Variants in CREB3L3 observed in about 807,000 individuals in gnomAD.
CREB3L3 encodes the protein cAMP responsive element binding protein 3 like 3.
A neutral mutation model predicts 44.6 loss-of-function variants in CREB3L3; 40 were observed. That is an observed-to-expected ratio of 0.90 (90% confidence interval 0.70 to 1.17). The LOEUF is 1.17. Among genes scored for constraint, CREB3L3 ranks in the 50% most tolerant of loss-of-function variants. CREB3L3 has a pLI of 0.00. For synonymous variants in CREB3L3, 273 were observed against 256.3 expected (o/e 1.06, Z -0.62); for missense variants, 578 against 595.8 (o/e 0.97, Z 0.31).
rs34277649 is a variant in CREB3L3 at position 4,155,751 on chromosome 19, C to CTT, written c.156+736_156+737dup. ...CCTTTCTCCCTCTTTCTTTTACTCT[C>CTT]TTTTTTTTTTTTTGAGATAGAGTTT... On this transcript the variant is annotated intron_variant, in intron 2 of 9. Coordinates refer to ENST00000078445, the MANE Select transcript of CREB3L3 (RefSeq NM_032607.3). 1.9e-3 allele frequency among the ~76,000 whole-genome samples: 265 copies of CTT among 136,120 alleles called. 5 individuals are homozygous for CTT. The highest frequency in any genetic ancestry group is 2.4e-3 in the Non-Finnish European group (156 of 64,670). 89.3% of individuals were successfully genotyped at this position (136,120 alleles called of 152,430 possible). A position where few individuals can be genotyped will look rare whatever the true frequency, so the allele number is the denominator to read the frequency against.
rs1020370762 is a variant in CREB3L3, at chr19:4,164,490, A to G, written c.577-13A>G. Reference sequence around the variant, plus strand: ...CCCTGCACCCGCCGTCATTCCTCTGATTTTTTCCGTAGCAACAGCATCACC... The same window carrying G: ...CCCTGCACCCGCCGTCATTCCTCTGGTTTTTTCCGTAGCAACAGCATCACC... On this transcript the variant is annotated splice_polypyrimidine_tract_variant and intron_variant, in intron 4 of 9. Transcript: ENST00000078445. 1 of 1,613,538 alleles carries G rather than the reference A, an allele frequency of 6.2e-7. No individual in the cohort carries two copies. The highest frequency in any genetic ancestry group is 8.5e-7 in the Non-Finnish European group (1 of 1,179,908).
rs887902430 is a variant in CREB3L3 at position 4,157,305 on chromosome 19, G to T, written c.457+10G>T. ...GTGACCATAGACCTGGGTGAGTCCT[G>T]CTGTGTCTCTGCCCACCGCCCTCAC... On this transcript the variant is annotated intron_variant, in intron 3 of 9. Transcript: ENST00000078445. The T allele has an allele frequency of 6.2e-7, 1 of 1,613,994 alleles. No individual in the cohort carries two copies. Among genetic ancestry groups the T allele is most frequent in the African/African-American group, 1.3e-5 (1 of 75,054 alleles).
intron 6 of CREB3L3, among the ~76,000 whole-genome samples, chr19:4,169,657 T>C (rs1371665895): frequency 6.8e-6 from 1 of 146,742 alleles, no homozygotes; most frequent in African/African-American, 2.6e-5. Flanking sequence ...AATGGTGCGA[T>C]CTTGACTCAC....
At chr19:4,155,107 G>A in intron 2 of CREB3L3, 80 bp downstream of exon 2, 10 of 1,558,948 alleles carry the variant, frequency 6.4e-6, no homozygotes, top group Non-Finnish European at 8.7e-6. Flanking sequence ...TGCTAGACCC[G>A]CCAGAGCCCA....
Position 4,171,076 on chromosome 19 carries a change from G to A in CREB3L3, c.891-15G>A, listed in dbSNP as rs1431999207. 6.2e-7 allele frequency: 1 copy of A among 1,610,178 alleles called. No individual in the cohort carries two copies. The highest frequency in any genetic ancestry group is 8.5e-7 in the Non-Finnish European group (1 of 1,176,516). On this transcript the variant is annotated splice_polypyrimidine_tract_variant and intron_variant, in intron 7 of 9. Coordinates refer to ENST00000078445, the MANE Select transcript of CREB3L3 (RefSeq NM_032607.3). This position sits in a 1 kb window ranked among gnomAD's most constrained non-coding sequence, Gnocchi z 4.9. ...GCCCTTTAGGGCTCAGCGGAGGCCTGCCTGTCTCTCTAAGGTCCCTCTTGG... is the reference window on the plus strand; with the variant it reads ...GCCCTTTAGGGCTCAGCGGAGGCCTACCTGTCTCTCTAAGGTCCCTCTTGG...
In CREB3L3 at chr19:4,172,119, C is replaced by G. The variant is rs957238484; in HGVS notation, c.*150C>G. On this transcript the variant is annotated 3_prime_UTR_variant, in exon 10 of 10. Coordinates refer to ENST00000078445, the MANE Select transcript of CREB3L3 (RefSeq NM_032607.3). ...GGAGGCACAGCTCATAGCCACACAC[C>G]CAGGGCCTGACTGAGGCCCACGCAG... The G allele has an allele frequency of 1.0e-5, 9 of 868,466 alleles. No homozygotes were observed. Among genetic ancestry groups the G allele is most frequent in the African/African-American group, 1.7e-5 (1 of 58,910 alleles). 53.8% of individuals were successfully genotyped at this position (868,466 alleles called of 1,614,324 possible).
At position 4,160,410 on chromosome 19, in the gene CREB3L3, C is replaced by T. The variant is rs141591187; in HGVS notation, c.576+628C>T. 3.6e-3 allele frequency among the ~76,000 whole-genome samples: 549 copies of T among 152,022 alleles called. 3 individuals are homozygous for T. Among genetic ancestry groups the T allele is most frequent in the African/African-American group, 0.013 (524 of 41,490 alleles). On this transcript the variant is annotated intron_variant, in intron 4 of 9. Transcript: ENST00000078445. The stretch of plus-strand genomic sequence containing the variant: ...TTTTTGAGACAGGATCTCACTCTAT[C>T]GCCCAGGCTGGAGTGCAGTGGCGCA...
At chr19:4,169,847 C>G (rs1967004651) in intron 6 of CREB3L3, among the ~76,000 whole-genome samples, 1 of 152,106 alleles carries the variant, frequency 6.6e-6, no homozygotes, top group South Asian at 2.1e-4. Flanking sequence ...GATCCGCCCA[C>G]CACGGCCTCC....
At position 4,163,559 on chromosome 19, in the gene CREB3L3, T is replaced by A. The variant is rs190040906; in HGVS notation, c.577-944T>A. 1.1e-4 allele frequency among the ~76,000 whole-genome samples: 17 copies of A among 152,146 alleles called. No homozygotes were observed. In the East Asian group the frequency reaches 3.3e-3, roughly 29 times the overall value. ...TGTTGTTGCTGTTTTGAGACAGAAT[T>A]TCTGTCGCCCAGGCTGGATCTCAGA... On this transcript the variant is annotated intron_variant, in intron 4 of 9. Coordinates refer to ENST00000078445, the MANE Select transcript of CREB3L3 (RefSeq NM_032607.3).
In CREB3L3 at chr19:4,154,935, A is replaced by C. The variant is rs1038365302; in HGVS notation, c.64A>C (p.Ser22Arg). Reference sequence around the variant, plus strand: ...TGCCTGCTCCATGGACCCCATCGACAGCTTTGAGCTCCTGGATCTCCTGTT... The same window carrying C: ...TGCCTGCTCCATGGACCCCATCGACCGCTTTGAGCTCCTGGATCTCCTGTT... ...SAACSMDPID[S>R]FELLDLLFDR... The change falls in exon 2 of 10, where the codon AGC (serine) becomes CGC (arginine). Residue 22 changes from serine (S) to arginine (R), a missense_variant. Ser to Arg is a moderately radical substitution (Grantham distance 110). Coordinates refer to ENST00000078445, the MANE Select transcript of CREB3L3 (RefSeq NM_032607.3). 1.9e-6 allele frequency: 3 copies of C among 1,613,708 alleles called. No individual in the cohort carries two copies. Among genetic ancestry groups the C allele is most frequent in the Non-Finnish European group, 2.5e-6 (3 of 1,180,026 alleles).
In CREB3L3 at chr19:4,172,238, G is replaced by T; in HGVS notation, c.*269G>T. On this transcript the variant is annotated 3_prime_UTR_variant, in exon 10 of 10. Coordinates refer to ENST00000078445, the MANE Select transcript of CREB3L3 (RefSeq NM_032607.3). Reference sequence around the variant, plus strand: ...GAAGCAAAGAGCAGACACACATACAGCCTGAAACAGACCTGGACAGACAGA... The same window carrying T: ...GAAGCAAAGAGCAGACACACATACATCCTGAAACAGACCTGGACAGACAGA... 1 of 577,892 alleles carries T rather than the reference G, an allele frequency of 1.7e-6. No individual in the cohort carries two copies. The highest frequency in any genetic ancestry group is 2.9e-5 in the East Asian group (1 of 34,644). The allele number at this position is 577,892 out of a possible 1,614,324, so 35.8% of individuals were successfully genotyped here.
chr19:4,165,949 A>T (rs1490910366), intron 5 of CREB3L3, among the ~76,000 whole-genome samples: 2 of 152,146 alleles, frequency 1.3e-5, no homozygotes, highest in Non-Finnish European at 2.9e-5. Context: ...AATTACTTGA[A>T]TGTCCTCTGT....
At chr19:4,167,640 G>A (rs999126482) in intron 5 of CREB3L3, among the ~76,000 whole-genome samples, 8 of 152,108 alleles carry the variant, frequency 5.3e-5, no homozygotes, top group Non-Finnish European at 1.0e-4. Context: ...ACTTGCTGTC[G>A]CCAGGGAAAG....
At chr19:4,170,762 T>A (rs1967026437) in intron 7 of CREB3L3, among the ~76,000 whole-genome samples, 1 of 150,648 alleles carries the variant, frequency 6.6e-6, no homozygotes, top group African/African-American at 2.4e-5. Flanking sequence ...ACAAAAAAAA[T>A]TAGCTGGGTG....
chr19:4,164,395 A>G, intron 4 of CREB3L3, 108 bp from the exon 5 acceptor site: 1 of 1,423,700 alleles, frequency 7.0e-7, no homozygotes, highest in Non-Finnish European at 9.8e-7. Context: ...GGCGTGAGCC[A>G]CCACACCCAG....
chr19:4,171,368 CG>C lies in CREB3L3; in HGVS notation c.976-14del. The C allele has an allele frequency of 6.2e-7, 1 of 1,612,502 alleles. No homozygotes were observed. Among genetic ancestry groups the C allele is most frequent in the South Asian group, 1.1e-5 (1 of 91,042 alleles). ...GAGGGGAGGGAGGGGGTGACTCTGC[CG>C]CTGTCTCCACCAGGTCCTGTTGCTG... On this transcript the variant is annotated splice_polypyrimidine_tract_variant and intron_variant, in intron 8 of 9. Transcript: ENST00000078445. The surrounding 1 kb of genome is among the most constrained non-coding windows in gnomAD (Gnocchi z 4.9).
At chr19:4,168,326 C>T (rs750713458) in intron 5 of CREB3L3, 25 bp from the exon 6 acceptor site, 1 of 1,593,396 alleles carries the variant, frequency 6.3e-7, no homozygotes. Context: ...TGGCCTGAAA[C>T]CCTCCTCCCC....
rs186349957 is a variant in CREB3L3, at chr19:4,158,102, C to T, written c.457+807C>T. ...TACTCTATTGATTAAGCATTCCCGG[C>T]GGGCCAGGCAGAGCCCTGGCTGGAG... On this transcript the variant is annotated intron_variant, in intron 3 of 9. Transcript: ENST00000078445. Among the ~76,000 whole-genome samples, 6 of 152,186 alleles carry T rather than the reference C, an allele frequency of 3.9e-5. No homozygotes were observed. The East Asian group carries it at 5.8e-4, about 15-fold the overall frequency.
intron 3 of CREB3L3, among the ~76,000 whole-genome samples, chr19:4,158,362 T>A (rs909300543): frequency 2.7e-5 from 4 of 150,586 alleles, no homozygotes; most frequent in Admixed American, 2.0e-4. Flanking sequence ...CCGGGCATGG[T>A]GGGGGCCACC....
Sources: gnomAD v4.1 joint callset for allele counts (sites outside exome capture counted in the v4.1 genomes callset) on GRCh38, gnomAD v4.1.1 for gene constraint, Gnocchi (gnomAD v3.1) non-coding constraint, MANE v1.5 for transcripts, NCBI Gene and HGNC (gene_info 2026-07-23, HGNC 2026-07-21) for gene names.